Variants in SEC23A observed in about 807,000 individuals in gnomAD.
SEC23A encodes SEC23 homolog A, COPII component, also known as protein transport protein Sec23A.
SEC23A carries 56 observed loss-of-function variants against 103.7 expected under a neutral mutation model. The observed-to-expected ratio is 0.54, with a 90% CI of 0.44 to 0.67. The LOEUF is 0.67. SEC23A is among the 30% of genes least tolerant of loss of function. The pLI, the probability that SEC23A is intolerant of heterozygous loss-of-function variation, is 0.00. For synonymous variants in SEC23A, 281 were observed against 293.0 expected (o/e 0.96, Z 0.42); for missense variants, 784 against 936.4 (o/e 0.84, Z 2.12).
chr14:39,057,971 G>C (rs1886304938), intron 13 of SEC23A, among the ~76,000 whole-genome samples: 1 of 152,132 alleles, frequency 6.6e-6, no homozygotes, highest in Non-Finnish European at 1.5e-5. Flanking sequence ...CCAATTAAAA[G>C]TTAATAAGTA....
intron 5 of SEC23A, chr14:39,091,182 C>G (rs74760925): frequency 2.6e-4 from 114 of 431,880 alleles, no homozygotes; most frequent in African/African-American, 2.2e-3. Flanking sequence ...TGCAGTTGCT[C>G]TCTCTTAGCC....
chr14:39,050,682 G>C (rs1886024080), intron 14 of SEC23A, among the ~76,000 whole-genome samples: 1 of 152,212 alleles, frequency 6.6e-6, no homozygotes, highest in South Asian at 2.1e-4. Flanking sequence ...GCCGGGAGCA[G>C]TGGCACAGGC....
At chr14:39,081,818 C>A (rs1156813360) in intron 7 of SEC23A, among the ~76,000 whole-genome samples, 5 of 152,014 alleles carry the variant, frequency 3.3e-5, no homozygotes, top group South Asian at 2.1e-4. Context: ...CATATATGCA[C>A]ACACATATAC....
chr14:39,056,283 T>C (rs1349890731), intron 13 of SEC23A, among the ~76,000 whole-genome samples: 1 of 152,114 alleles, frequency 6.6e-6, no homozygotes, highest in Non-Finnish European at 1.5e-5. Context: ...TACTTACTAG[T>C]CTCTCCAGTC....
intron 6 of SEC23A, among the ~76,000 whole-genome samples, chr14:39,086,110 G>C (rs1013452434): frequency 6.6e-6 from 1 of 152,032 alleles, no homozygotes; most frequent in East Asian, 1.9e-4. Context: ...AGTTTGTTTC[G>C]GTAGGTCTGG....
At chr14:39,067,359 C>A (rs894050203) in intron 9 of SEC23A, 63 bp from the exon 10 acceptor site, 11 of 1,587,234 alleles carry the variant, frequency 6.9e-6, no homozygotes, top group Admixed American at 3.4e-5. Context: ...GTGTTAAAAT[C>A]GTAGAAGAAA....
intron 19 of SEC23A, among the ~76,000 whole-genome samples, chr14:39,037,419 T>C (rs1885497238): frequency 1.3e-5 from 2 of 152,216 alleles, no homozygotes; most frequent in Admixed American, 1.3e-4. Context: ...AATTCAAGAC[T>C]ACATTAAAGT....
At position 39,087,020 on chromosome 14, in the gene SEC23A, T is replaced by A. The variant is rs766268948; in HGVS notation, c.604-12A>T. 20 of 1,394,306 alleles carry A rather than the reference T, an allele frequency of 1.4e-5. No homozygotes were observed. The highest frequency in any genetic ancestry group is 1.9e-5 in the Non-Finnish European group (19 of 979,108). The allele number at this position is 1,394,306 out of a possible 1,614,324, so 86.4% of individuals were successfully genotyped here. A position where few individuals can be genotyped will look rare whatever the true frequency, so the allele number is the denominator to read the frequency against. On this transcript the variant is annotated splice_polypyrimidine_tract_variant and intron_variant, in intron 5 of 19. Transcript: ENST00000307712. ...AGCCCCAGCATTTCCTGTAAAGAGA[T>A]TACTTGTGCAATATTCATTTAATTA...
chr14:39,050,287 C>T (rs1886011830), intron 14 of SEC23A, among the ~76,000 whole-genome samples: 1 of 152,090 alleles, frequency 6.6e-6, no homozygotes, highest in South Asian at 2.1e-4. Context: ...AAATAACATC[C>T]CTTACAAAAA....
At chr14:39,063,539 TAA>T (rs1886550318) in intron 11 of SEC23A, 126 bp from the exon 12 acceptor site, 1 of 611,734 alleles carries the variant, frequency 1.6e-6, no homozygotes. Context: ...TCAACAATGT[TAA>T]GAGCTTAAAA....
rs533395055 is a variant in SEC23A, at chr14:39,033,617, T to G, written c.2209-289A>C. Among the ~76,000 whole-genome samples the G allele has an allele frequency of 2.4e-4, 36 of 152,314 alleles. 1 individual carries two copies. The highest frequency in any genetic ancestry group is 8.5e-4 in the Admixed American group (13 of 15,268). Reference sequence around the variant, plus strand: ...GGCTAGTCACCACGAAGACTAACAATGGAATTAGAGGCTTGGTGCTTTTAA... The same window carrying G: ...GGCTAGTCACCACGAAGACTAACAAGGGAATTAGAGGCTTGGTGCTTTTAA... On this transcript the variant is annotated intron_variant, in intron 19 of 19. Coordinates refer to ENST00000307712, the MANE Select transcript of SEC23A (RefSeq NM_006364.4).
At chr14:39,088,071 T>C (rs1887507145) in intron 5 of SEC23A, 1 of 152,172 alleles carries the variant, frequency 6.6e-6, no homozygotes, top group Non-Finnish European at 1.5e-5. Context: ...AAATAGGTAG[T>C]TTATTCCTTT....
At chr14:39,092,515 T>C in intron 4 of SEC23A, 26 bp downstream of exon 4, 1 of 1,373,038 alleles carries the variant, frequency 7.3e-7, no homozygotes, top group Non-Finnish European at 1.0e-6. Context: ...TAAAACTTTC[T>C]TAAATATTTG....
chr14:39,058,536 T>C (rs1886331167), intron 13 of SEC23A, among the ~76,000 whole-genome samples: 1 of 152,172 alleles, frequency 6.6e-6, no homozygotes, highest in Non-Finnish European at 1.5e-5. Context: ...CTTGATCTCC[T>C]GACCTCATGA....
chr14:39,073,753 G>A (rs1225752816), intron 9 of SEC23A, among the ~76,000 whole-genome samples: 2 of 148,966 alleles, frequency 1.3e-5, no homozygotes, highest in Non-Finnish European at 3.0e-5. Context: ...GGGATTACAG[G>A]TGCCTGCCAC....
Position 39,064,952 on chromosome 14 carries a change from A to C in SEC23A, c.1269T>G (p.Cys423Trp). ...EIKISGAIGP[C>W]VSLNSKGPCV... Reference sequence around the variant, plus strand: ...AGGGTCCTTTAGAATTGAGTGACACACAGGGTCCAATAGCTCCTGAAATCT... The same window carrying C: ...AGGGTCCTTTAGAATTGAGTGACACCCAGGGTCCAATAGCTCCTGAAATCT... The change falls in exon 11 of 20, where the codon TGT (cysteine) becomes TGG (tryptophan). Residue 423 changes from cysteine to tryptophan, a missense_variant. By Grantham distance (215) the Cys-to-Trp change is radical (BLOSUM62 -2). Coordinates refer to ENST00000307712, the MANE Select transcript of SEC23A (RefSeq NM_006364.4). The C allele has an allele frequency of 1.9e-6, 3 of 1,613,450 alleles. No individual in the cohort carries two copies. Among genetic ancestry groups the C allele is most frequent in the African/African-American group, 2.7e-5 (2 of 75,008 alleles).
chr14:39,044,053 T>G (rs1002263004), intron 16 of SEC23A, among the ~76,000 whole-genome samples: 2 of 152,174 alleles, frequency 1.3e-5, no homozygotes, highest in African/African-American at 2.4e-5. Flanking sequence ...ACCTGACTGT[T>G]GTTATGGTTT....
At position 39,057,043 on chromosome 14, in the gene SEC23A, G is replaced by A. The variant is rs150270079; in HGVS notation, c.1506-1747C>T. Among the ~76,000 whole-genome samples the A allele has an allele frequency of 1.5e-3, 222 of 152,188 alleles. 1 individual carries two copies. The highest frequency in any genetic ancestry group is 2.8e-3 in the Non-Finnish European group (188 of 68,000). ...AGACCCTATCTCTAGGCTGGTTGCG[G>A]TGGCTCACACCTGTAATCACAACAC... is the stretch of plus-strand genomic sequence containing the variant. On this transcript the variant is annotated intron_variant, in intron 13 of 19. Coordinates refer to ENST00000307712, the MANE Select transcript of SEC23A (RefSeq NM_006364.4).
At chr14:39,093,313 C>T (rs1594484761) in intron 2 of SEC23A, 69 bp from the exon 3 acceptor site, 1 of 1,243,822 alleles carries the variant, frequency 8.0e-7, no homozygotes, top group South Asian at 1.3e-5. Flanking sequence ...ATCCTAATTT[C>T]AATAAAATTA....
Sources: gnomAD v4.1 joint callset for allele counts (sites outside exome capture counted in the v4.1 genomes callset) on GRCh38, gnomAD v4.1.1 for gene constraint, MANE v1.5 for transcripts, NCBI Gene and HGNC (gene_info 2026-07-23, HGNC 2026-07-21) for gene names.